The following CDH23 variants were observed in gnomAD, a reference collection of about 807,000 sequenced individuals.
CDH23 encodes cadherin-23.
Under a neutral mutation model 317.1 loss-of-function variants are expected in CDH23, and 189 were observed. The ratio of observed to expected loss-of-function variants is 0.60; its 90% CI spans 0.53 to 0.67. The LOEUF is 0.67. CDH23 is among the 30% of genes least tolerant of loss of function. The probability of loss-of-function intolerance (pLI) is 0.00; values close to 1 mark genes in which losing one functional copy is unlikely to be tolerated. For synonymous variants in CDH23, 1,839 were observed against 1,876.8 expected, an observed-to-expected ratio of 0.98 and a Z score of 0.52; for missense variants, 4,401 against 4,592.4, an observed-to-expected ratio of 0.96 and a Z score of 1.20.
intron 32 of CDH23, among the ~76,000 whole-genome samples, chr10:71,732,918 A>G (rs1321671558): frequency 6.6e-6 from 1 of 152,206 alleles, no homozygotes; most frequent in African/African-American, 2.4e-5. Context: ...CAGATCCCAC[A>G]GGCTCACAGC....
At chr10:71,758,342 C>G (rs1166712639) in intron 38 of CDH23, among the ~76,000 whole-genome samples, 1 of 152,196 alleles carries the variant, frequency 6.6e-6, no homozygotes, top group Non-Finnish European at 1.5e-5. Context: ...CAGGGCCTAG[C>G]AGGGGCTGGT....
At chr10:71,416,149 C>G (rs1564566367) in intron 1 of CDH23, among the ~76,000 whole-genome samples, 1 of 152,132 alleles carries the variant, frequency 6.6e-6, no homozygotes, top group South Asian at 2.1e-4. Flanking sequence ...CTCAGCCTCC[C>G]AATTAGCTGG....
intron 3 of CDH23, among the ~76,000 whole-genome samples, chr10:71,488,370 G>A (rs144877075): frequency 3.7e-3 from 556 of 152,294 alleles, no homozygotes; most frequent in Non-Finnish European, 6.2e-3. Context: ...ATCTTTCTGC[G>A]CAGGAGTGAG....
chr10:71,406,677 A>G (rs1848112970), intron 1 of CDH23, among the ~76,000 whole-genome samples: 3 of 152,236 alleles, frequency 2.0e-5, no homozygotes, highest in Non-Finnish European at 4.4e-5. Flanking sequence ...TTAAAAAAAA[A>G]TCTTTCTATT....
intron 6 of CDH23, among the ~76,000 whole-genome samples, chr10:71,538,745 T>G (rs1333623537): frequency 6.6e-6 from 1 of 152,184 alleles, no homozygotes; most frequent in Non-Finnish European, 1.5e-5. Context: ...TTCTTTTCTG[T>G]GAATGAGTGC....
At chr10:71,705,163 C>G (rs759277430) in intron 25 of CDH23, 33 bp downstream of exon 25, 5 of 1,579,856 alleles carry the variant, frequency 3.2e-6, no homozygotes, top group Non-Finnish European at 4.3e-6. Context: ...GCTGTGTGCT[C>G]AGTGTGTGGG....
chr10:71,679,342 AGTCT>A, intron 16 of CDH23, 41 bp from the exon 17 acceptor site: 1 of 1,179,342 alleles, frequency 8.5e-7, no homozygotes, highest in East Asian at 2.6e-5. Context: ...TCTGGCCCCC[AGTCT>A]CCTGCAGGCT....
chr10:71,406,405 G>A (rs867232009), intron 1 of CDH23, among the ~76,000 whole-genome samples: 18 of 152,142 alleles, frequency 1.2e-4, no homozygotes, highest in South Asian at 2.1e-4. Context: ...AAGCCCTGGG[G>A]CCAGGTAAAT....
At chr10:71,571,035 C>T in intron 8 of CDH23, 117 bp downstream of exon 8, 3 of 1,146,784 alleles carry the variant, frequency 2.6e-6, no homozygotes, top group Non-Finnish European at 3.8e-6. Context: ...CCTCCGCAGT[C>T]CCTGTGCGTG....
intron 38 of CDH23, among the ~76,000 whole-genome samples, chr10:71,767,833 G>C (rs1253771972): frequency 6.6e-6 from 1 of 152,212 alleles, no homozygotes; most frequent in Non-Finnish European, 1.5e-5. Flanking sequence ...GGGAAGCCAG[G>C]CTCTATTGAA....
At chr10:71,580,008 G>A (rs1021284670) in intron 9 of CDH23, among the ~76,000 whole-genome samples, 5 of 152,298 alleles carry the variant, frequency 3.3e-5, no homozygotes, top group Admixed American at 2.6e-4. Context: ...GGAGCAGAGA[G>A]CCAGGACTTG....
chr10:71,415,713 G>T (rs1589277825), intron 1 of CDH23, among the ~76,000 whole-genome samples: 1 of 152,106 alleles, frequency 6.6e-6, no homozygotes, highest in Admixed American at 6.5e-5. Flanking sequence ...TTGTTGTGAG[G>T]TTCAAAGTGT....
intron 3 of CDH23, among the ~76,000 whole-genome samples, chr10:71,464,265 T>C (rs1432056284): frequency 1.3e-5 from 2 of 152,200 alleles, no homozygotes; most frequent in African/African-American, 4.8e-5. Context: ...ATATACATTA[T>C]TGCATCAGAT....
At chr10:71,745,952 C>T (rs1839844959) in intron 38 of CDH23, among the ~76,000 whole-genome samples, 1 of 152,244 alleles carries the variant, frequency 6.6e-6, no homozygotes, top group African/African-American at 2.4e-5. Flanking sequence ...ATCTGCCTGG[C>T]TTCAAAATGG....
chr10:71,451,359 C>T (rs1367069420), intron 3 of CDH23, among the ~76,000 whole-genome samples: 1 of 152,202 alleles, frequency 6.6e-6, no homozygotes, highest in Non-Finnish European at 1.5e-5. Context: ...TCTCTCCCTC[C>T]CACACGGAGT....
At chr10:71,759,100 C>T (rs1411996670) in intron 38 of CDH23, among the ~76,000 whole-genome samples, 1 of 151,352 alleles carries the variant, frequency 6.6e-6, no homozygotes, top group Non-Finnish European at 1.5e-5. Flanking sequence ...TGCAGTGGCG[C>T]GATCTCGGCT....
At chr10:71,806,835 G>A (rs1166510237) in intron 57 of CDH23, among the ~76,000 whole-genome samples, 1 of 152,216 alleles carries the variant, frequency 6.6e-6, no homozygotes, top group African/African-American at 2.4e-5. Context: ...TGAGACTACA[G>A]GCATAAGCCA....
intron 14 of CDH23, among the ~76,000 whole-genome samples, chr10:71,671,748 C>T (rs1220050953): frequency 1.3e-5 from 2 of 152,136 alleles, no homozygotes; most frequent in African/African-American, 4.8e-5. Context: ...TCTGGGAATA[C>T]GAAGACCAGC....
At chr10:71,662,082 G>A (rs1019133649) in intron 14 of CDH23, among the ~76,000 whole-genome samples, 9 of 151,390 alleles carry the variant, frequency 5.9e-5, no homozygotes, top group Non-Finnish European at 1.3e-4. Flanking sequence ...TATTTCCCGC[G>A]TGGGACTTTG....
Sources: gnomAD v4.1 joint callset for allele counts (sites outside exome capture counted in the v4.1 genomes callset) on GRCh38, gnomAD v4.1.1 for gene constraint, MANE v1.5 for transcripts, NCBI Gene and HGNC (gene_info 2026-07-23, HGNC 2026-07-21) for gene names.